SPIDR: variants seen among roughly 807,000 people sequenced by gnomAD.
SPIDR encodes the protein DNA repair-scaffolding protein.
A neutral mutation model predicts 104.6 loss-of-function variants in SPIDR; 93 were observed. The ratio of observed to expected loss-of-function variants is 0.89; its 90% CI spans 0.75 to 1.06. The LOEUF is 1.06. Among genes scored for constraint, SPIDR ranks in the 50% least tolerant of loss-of-function variants. SPIDR has a pLI of 0.00. For missense variants in SPIDR, 1,154 were observed against 1,111.2 expected, an observed-to-expected ratio of 1.04 and a Z score of -0.55; for synonymous variants, 431 against 416.9, an observed-to-expected ratio of 1.03 and a Z score of -0.41.
chr8:47,732,419 A>T (rs2085410286), intron 19 of SPIDR: 3 of 557,680 alleles, frequency 5.4e-6, no homozygotes, highest in Non-Finnish European at 9.6e-6. Context: ...ACATGTGTGT[A>T]TGTGTGTGCA....
Position 47,288,966 on chromosome 8 carries a change from G to C in SPIDR, c.257-2067G>C, listed in dbSNP as rs1386919813. Among the ~76,000 whole-genome samples the C allele has an allele frequency of 3.3e-5, 5 of 152,096 alleles. No homozygotes were observed. The East Asian group carries it at 9.7e-4, about 29-fold the overall frequency. ...ATATTGTTAGTTTTTTTCATGATTAGTGTTTCTTCCAGACCACACATATTC... is the reference window on the plus strand; with the variant it reads ...ATATTGTTAGTTTTTTTCATGATTACTGTTTCTTCCAGACCACACATATTC... On this transcript the variant is annotated intron_variant, in intron 3 of 19. Transcript: ENST00000297423.
intron 8 of SPIDR, among the ~76,000 whole-genome samples, chr8:47,487,773 T>C (rs1461513675): frequency 1.3e-5 from 2 of 151,956 alleles, no homozygotes; most frequent in South Asian, 2.1e-4. Flanking sequence ...CATAACGAAA[T>C]GAAGGCTGAA....
chr8:47,686,612 C>G (rs2077861845), intron 11 of SPIDR, among the ~76,000 whole-genome samples: 1 of 152,104 alleles, frequency 6.6e-6, no homozygotes, highest in South Asian at 2.1e-4. Flanking sequence ...ATTTGGATCC[C>G]TGTATGTGAG....
At chr8:47,299,115 C>T (rs1416920163) in intron 5 of SPIDR, among the ~76,000 whole-genome samples, 1 of 152,130 alleles carries the variant, frequency 6.6e-6, no homozygotes. Flanking sequence ...TTGTTTGTAT[C>T]CTCTTTTATT....
intron 10 of SPIDR, among the ~76,000 whole-genome samples, chr8:47,610,150 C>G (rs931251248): frequency 6.6e-6 from 1 of 152,140 alleles, no homozygotes; most frequent in Non-Finnish European, 1.5e-5. Context: ...GACCTCCTTT[C>G]TCTGGAAACT....
At chr8:47,574,004 G>C (rs1028625846) in intron 8 of SPIDR, among the ~76,000 whole-genome samples, 1 of 152,164 alleles carries the variant, frequency 6.6e-6, no homozygotes, top group Non-Finnish European at 1.5e-5. Flanking sequence ...AGAATTCAAA[G>C]CATTGTCTTT....
chr8:47,275,277 A>G (rs1257390757), intron 1 of SPIDR, among the ~76,000 whole-genome samples: 3 of 151,974 alleles, frequency 2.0e-5, no homozygotes, highest in African/African-American at 7.2e-5. Flanking sequence ...AAGAAAAAAG[A>G]AAATATCCCC....
At chr8:47,423,837 T>C (rs1281296085) in intron 7 of SPIDR, among the ~76,000 whole-genome samples, 2 of 152,130 alleles carry the variant, frequency 1.3e-5, no homozygotes, top group African/African-American at 4.8e-5. Flanking sequence ...AAGGGGAAAA[T>C]ACGTTCTATT....
intron 8 of SPIDR, among the ~76,000 whole-genome samples, chr8:47,560,543 G>T (rs2056934205): frequency 6.6e-6 from 1 of 152,072 alleles, no homozygotes; most frequent in African/African-American, 2.4e-5. Flanking sequence ...GAATCTCCTG[G>T]GTTTGCTCAG....
chr8:47,593,412 C>T (rs969524913), intron 8 of SPIDR, among the ~76,000 whole-genome samples: 6 of 151,892 alleles, frequency 4.0e-5, no homozygotes, highest in African/African-American at 7.3e-5. Flanking sequence ...GTCTCAAGTG[C>T]GTCAAGGTTG....
intron 8 of SPIDR, chr8:47,592,027 A>G (rs189504731): frequency 6.3e-4 from 476 of 760,156 alleles, no homozygotes; most frequent in Non-Finnish European, 8.3e-4. Flanking sequence ...AGGACTGAAG[A>G]TGTCTGGGCT....
At chr8:47,416,199 C>T (rs1024514314) in intron 7 of SPIDR, among the ~76,000 whole-genome samples, 6 of 152,118 alleles carry the variant, frequency 3.9e-5, no homozygotes, top group African/African-American at 1.4e-4. Flanking sequence ...GCCGAGATGG[C>T]GCCACTGCAC....
At chr8:47,735,107 TGTGG>T (rs1475313572) in intron 19 of SPIDR, among the ~76,000 whole-genome samples, 196 bp from the exon 20 acceptor site, 37 of 128,382 alleles carry the variant, frequency 2.9e-4, no homozygotes, top group Middle Eastern at 7.4e-3. Flanking sequence ...TGTGTGTGTG[TGTGG>T]GTGTGTGTGT....
At chr8:47,420,158 C>T (rs2065156699) in intron 7 of SPIDR, among the ~76,000 whole-genome samples, 2 of 152,064 alleles carry the variant, frequency 1.3e-5, no homozygotes, top group African/African-American at 4.8e-5. Flanking sequence ...GAGTTCAATT[C>T]CTGGGTATCC....
At chr8:47,668,975 G>A (rs988035996) in intron 10 of SPIDR, among the ~76,000 whole-genome samples, 1 of 151,982 alleles carries the variant, frequency 6.6e-6, no homozygotes, top group African/African-American at 2.4e-5. Flanking sequence ...TTATCTACCA[G>A]TCACTCTACC....
intron 7 of SPIDR, among the ~76,000 whole-genome samples, chr8:47,418,814 A>G (rs1286596421): frequency 1.3e-5 from 2 of 152,180 alleles, no homozygotes; most frequent in African/African-American, 4.8e-5. Flanking sequence ...ATTTGTTGAG[A>G]GTTTCTAGCA....
intron 5 of SPIDR, among the ~76,000 whole-genome samples, chr8:47,300,944 C>T (rs1433290275): frequency 6.6e-6 from 1 of 152,142 alleles, no homozygotes; most frequent in East Asian, 1.9e-4. Flanking sequence ...GTGGAGAGTT[C>T]TGTAGATGTC....
intron 10 of SPIDR, among the ~76,000 whole-genome samples, chr8:47,654,399 A>G (rs2072296140): frequency 6.6e-6 from 1 of 152,202 alleles, no homozygotes. Flanking sequence ...AAGGAAATAG[A>G]GTACTTCCAG....
chr8:47,605,066 G>A (rs2154428322), intron 10 of SPIDR, among the ~76,000 whole-genome samples: 1 of 152,338 alleles, frequency 6.6e-6, no homozygotes, highest in Admixed American at 6.5e-5. Flanking sequence ...GGCTGTGGAG[G>A]AGGTCACTTT....
Sources: allele counts gnomAD v4.1 joint callset (sites outside exome capture counted in the v4.1 genomes callset), GRCh38; gene constraint gnomAD v4.1.1; transcripts MANE v1.5; gene names NCBI Gene and HGNC (gene_info 2026-07-23, HGNC 2026-07-21).